The following GNAL variants were observed in gnomAD, a reference collection of about 807,000 sequenced individuals.
GNAL encodes G protein subunit alpha L, also known as guanine nucleotide-binding protein G(olf) subunit alpha.
In GNAL, 18 loss-of-function variants were observed where a neutral mutation model predicts 55.1. That is an observed-to-expected ratio of 0.33 (90% CI 0.23 to 0.48). The LOEUF (loss-of-function observed/expected upper bound fraction) is 0.48, where lower values mean the gene tolerates loss of function less well. GNAL is among the 20% of genes least tolerant of loss of function. GNAL has a pLI of 0.99. For synonymous variants in GNAL, 253 were observed against 237.0 expected, an observed-to-expected ratio of 1.07 and a Z score of -0.62; for missense variants, 412 against 614.1, an observed-to-expected ratio of 0.67 and a Z score of 3.48.
intron 1 of GNAL, among the ~76,000 whole-genome samples, chr18:11,729,542 T>G (rs370715772): frequency 7.9e-5 from 12 of 152,220 alleles, no homozygotes; most frequent in South Asian, 6.2e-4. Flanking sequence ...AAGTTTCCAC[T>G]CGTTTTATTA....
intron 5 of GNAL, among the ~76,000 whole-genome samples, chr18:11,835,310 G>A (rs571524220): frequency 2.1e-4 from 32 of 151,926 alleles, no homozygotes; most frequent in Admixed American, 3.3e-4. Context: ...TACATGGATA[G>A]ATCTGTGATT....
rs186304540 is a variant in GNAL, at chr18:11,809,726, C to T, written c.625-15192C>T. Among the ~76,000 whole-genome samples the T allele has an allele frequency of 1.8e-4, 27 of 152,272 alleles. 1 individual carries two copies. The highest frequency in any genetic ancestry group is 6.3e-4 in the African/African-American group (26 of 41,556). On this transcript the variant is annotated intron_variant, in intron 4 of 11. Coordinates refer to ENST00000334049, the MANE Select transcript of GNAL (RefSeq NM_182978.4). ...CCAGTCTGGGCAACAGAGTAAGATT[C>T]TGTCTCAAAAAAGACAAACAGACAA...
intron 9 of GNAL, among the ~76,000 whole-genome samples, chr18:11,871,093 T>C (rs554669831): frequency 6.6e-6 from 1 of 152,316 alleles, no homozygotes; most frequent in African/African-American, 2.4e-5. Context: ...ACATAAAATT[T>C]CTGTAGTAAT....
chr18:11,695,920 ATG>A lies in GNAL; in HGVS notation c.376+5982_376+5983del, dbSNP rs1491115693. Among the ~76,000 whole-genome samples, 865 of 140,906 alleles carry A rather than the reference ATG, an allele frequency of 6.1e-3. 3 individuals carry two copies. Among genetic ancestry groups the A allele is most frequent in the African/African-American group, 0.012 (387 of 31,980 alleles). 92.4% of individuals were successfully genotyped at this position (140,906 alleles called of 152,430 possible). ...CACATGCTCAGACATGCATGCACGCATGCACACACACACACACACACACACAC... is the reference window on the plus strand; with the variant it reads ...CACATGCTCAGACATGCATGCACGCACACACACACACACACACACACACAC... On this transcript the variant is annotated intron_variant, in intron 1 of 11. Coordinates refer to ENST00000334049, the MANE Select transcript of GNAL (RefSeq NM_182978.4).
chr18:11,724,733 G>C (rs527551939), intron 1 of GNAL, among the ~76,000 whole-genome samples: 1 of 152,178 alleles, frequency 6.6e-6, no homozygotes, highest in East Asian at 1.9e-4. Flanking sequence ...TGCTGTGCAC[G>C]CCTGATGTTA....
chr18:11,790,238 C>A (rs987720266), intron 4 of GNAL, among the ~76,000 whole-genome samples: 1 of 152,074 alleles, frequency 6.6e-6, no homozygotes, highest in African/African-American at 2.4e-5. Flanking sequence ...CAGAGCCCTG[C>A]CCCTGGGGTC....
At chr18:11,713,444 G>A (rs1362024367) in intron 1 of GNAL, among the ~76,000 whole-genome samples, 8 of 152,208 alleles carry the variant, frequency 5.3e-5, no homozygotes, top group Admixed American at 5.2e-4. Context: ...AATTAAGCAA[G>A]TTGATAATTA....
intron 4 of GNAL, among the ~76,000 whole-genome samples, chr18:11,814,810 A>G (rs561390605): frequency 6.6e-6 from 1 of 152,136 alleles, no homozygotes; most frequent in African/African-American, 2.4e-5. Context: ...AGGCAGGAGA[A>G]TCACTTGAAT....
intron 4 of GNAL, among the ~76,000 whole-genome samples, chr18:11,776,388 G>GT (rs2033784638): frequency 6.6e-6 from 1 of 152,140 alleles, no homozygotes; most frequent in South Asian, 2.1e-4. Flanking sequence ...ACTCTGTGGT[G>GT]TGTAGAATAA....
At chr18:11,741,501 A>G (rs1282070597) in intron 1 of GNAL, among the ~76,000 whole-genome samples, 1 of 152,266 alleles carries the variant, frequency 6.6e-6, no homozygotes, top group African/African-American at 2.4e-5. Context: ...TACAGAATTC[A>G]GAGAACTTGA....
chr18:11,718,372 A>G (rs189307711), intron 1 of GNAL, among the ~76,000 whole-genome samples: 77 of 152,340 alleles, frequency 5.1e-4, no homozygotes, highest in African/African-American at 1.8e-3. Flanking sequence ...ACAATCAGCC[A>G]TAATGCAAGT....
chr18:11,877,735 G>A lies in GNAL; in HGVS notation c.1230+1047G>A, dbSNP rs114677973. On this transcript the variant is annotated intron_variant, in intron 11 of 11. Transcript: ENST00000334049. The stretch of plus-strand genomic sequence containing the variant: ...GCTGTGGGGCCTTTCCACGGGGACC[G>A]GCACTCCAGCCTGGCCTTTCACCAC... Among the ~76,000 whole-genome samples the A allele has an allele frequency of 6.1e-3, 913 of 150,670 alleles. 6 individuals carry two copies. The highest frequency in any genetic ancestry group is 0.021 in the African/African-American group (857 of 41,016).
Position 11,876,696 on chromosome 18 carries a change from ATTT to A in GNAL, c.1230+10_1230+12del. ...ATCCGGGACCTGTTTTTGGTAAGCA[ATTT>A]TGTTAACCTTTGTTTTTCTACCTCC... On this transcript the variant is annotated intron_variant, in intron 11 of 11. Transcript: ENST00000334049. 1.9e-6 allele frequency: 3 copies of A among 1,562,310 alleles called. No homozygotes were observed. In the East Asian group the frequency reaches 6.7e-5, roughly 35 times the overall value.
rs780285611 is a variant in GNAL, at chr18:11,752,457, CAAG to C, written c.377-394_377-392del. 4.0e-5 allele frequency: 64 copies of C among 1,610,366 alleles called. No homozygotes were observed. The highest frequency in any genetic ancestry group is 5.3e-5 in the Non-Finnish European group (62 of 1,178,434). On this transcript the variant is annotated intron_variant, in intron 1 of 11. Transcript: ENST00000334049. This position sits in a 1 kb window ranked among gnomAD's most constrained non-coding sequence, Gnocchi z 4.5. ...GCATGGGGTGTTTGGGCGGCAACAG[CAAG>C]ACGACGGAAGACCAGGGCGTCGATG...
chr18:11,748,560 A>C (rs73947607), intron 1 of GNAL, among the ~76,000 whole-genome samples: 10,663 of 152,176 alleles, frequency 0.07, 615 homozygotes, highest in African/African-American at 0.16. Flanking sequence ...ATCCTTCTTA[A>C]ATTTCAAATA....
At chr18:11,851,425 G>T (rs2035861024) in intron 5 of GNAL, 10 of 1,418,020 alleles carry the variant, frequency 7.1e-6, no homozygotes, top group Non-Finnish European at 9.2e-6. Context: ...AAACAAAGGA[G>T]CGGCGGCCGG....
intron 5 of GNAL, among the ~76,000 whole-genome samples, chr18:11,827,696 G>A (rs542194097): frequency 6.6e-6 from 1 of 152,074 alleles, no homozygotes; most frequent in South Asian, 2.1e-4. Context: ...AAATAGCTGG[G>A]TGTGGTGGCT....
At chr18:11,778,919 C>T (rs1006233620) in intron 4 of GNAL, among the ~76,000 whole-genome samples, 6 of 152,082 alleles carry the variant, frequency 3.9e-5, no homozygotes, top group Admixed American at 1.3e-4. Flanking sequence ...AACGTTTCAA[C>T]TCTGAAGACA....
In GNAL at chr18:11,689,771, A is replaced by C. The variant is rs893681985; in HGVS notation, c.208A>C (p.Lys70Gln). ...SPACARPKADKPKEKRQRTEQ... is the reference protein window; with the variant it reads ...SPACARPKADQPKEKRQRTEQ... ...GGCATGCGCTCGGCCCAAAGCAGACAAGCCGAAGGAGAAGCGGCAGCGCAC... is the reference window on the plus strand; with the variant it reads ...GGCATGCGCTCGGCCCAAAGCAGACCAGCCGAAGGAGAAGCGGCAGCGCAC... Residue 70 changes from lysine (K) to glutamine (Q), a missense_variant, in exon 1 of 12, where the codon AAG (lysine) becomes CAG (glutamine). By Grantham distance (53) the Lys-to-Gln change is moderately conservative. Transcript: ENST00000334049. The C allele has an allele frequency of 7.2e-6, 11 of 1,524,294 alleles. No individual in the cohort carries two copies. In the East Asian group the frequency reaches 2.9e-4, roughly 41 times the overall value. The allele number at this position is 1,524,294 out of a possible 1,614,324, so 94.4% of individuals were successfully genotyped here. A position where few individuals can be genotyped will look rare whatever the true frequency, so the allele number is the denominator to read the frequency against.
Sources: gnomAD v4.1 joint callset for allele counts (sites outside exome capture counted in the v4.1 genomes callset) on GRCh38, gnomAD v4.1.1 for gene constraint, Gnocchi (gnomAD v3.1) non-coding constraint, MANE v1.5 for transcripts, NCBI Gene and HGNC (gene_info 2026-07-23, HGNC 2026-07-21) for gene names.